Variants in PSMD1 observed in about 807,000 individuals in gnomAD.
PSMD1 encodes proteasome 26S subunit, non-ATPase 1, also known as 26S proteasome non-ATPase regulatory subunit 1.
PSMD1 carries 18 observed loss-of-function variants against 119.0 expected under a neutral mutation model. The ratio of observed to expected loss-of-function variants is 0.15; its 90% confidence interval spans 0.10 to 0.22. The LOEUF (loss-of-function observed/expected upper bound fraction) is 0.22. Among genes scored for constraint, PSMD1 ranks in the 10% least tolerant of loss-of-function variants. The probability of loss-of-function intolerance (pLI) is 1.00; values close to 1 mark genes in which losing one functional copy is unlikely to be tolerated. For missense variants in PSMD1, 702 were observed against 1,158.5 expected, an observed-to-expected ratio of 0.61 and a Z score of 5.72; for synonymous variants, 374 against 396.6, an observed-to-expected ratio of 0.94 and a Z score of 0.68.
chr2:231,097,166 G>A (rs886701787), intron 16 of PSMD1, among the ~76,000 whole-genome samples: 1 of 152,164 alleles, frequency 6.6e-6, no homozygotes, highest in African/African-American at 2.4e-5. Flanking sequence ...AGGATAGTTG[G>A]TGGAGGTTTT....
chr2:231,108,853 A>G (rs781406222), intron 16 of PSMD1: 28 of 1,614,112 alleles, frequency 1.7e-5, no homozygotes, highest in South Asian at 3.3e-5. Flanking sequence ...CTGAGGAAAC[A>G]TAGCCTATCC....
At position 231,161,211 on chromosome 2, in the gene PSMD1, T is replaced by C. The variant is rs550574202; in HGVS notation, c.2219-129T>C. The C allele has an allele frequency of 2.5e-4, 218 of 889,092 alleles. 1 individual carries two copies. Among genetic ancestry groups the C allele is most frequent in the Non-Finnish European group, 3.5e-4 (214 of 605,500 alleles). The allele number at this position is 889,092 out of a possible 1,614,324, so 55.1% of individuals were successfully genotyped here. ...CAGTGTTTCACTCTGTCACCCGAGC[T>C]TGGGTAACAGTGAGACCCTATCTCT... On this transcript the variant is annotated intron_variant, in intron 19 of 24. Transcript: ENST00000308696.
intron 18 of PSMD1, among the ~76,000 whole-genome samples, chr2:231,149,812 C>T (rs944427383): frequency 6.6e-6 from 1 of 152,186 alleles, no homozygotes; most frequent in Non-Finnish European, 1.5e-5. Flanking sequence ...AAAAAGGCTA[C>T]AGAAACTACT....
chr2:231,087,729 G>A (rs1020197475), intron 16 of PSMD1, among the ~76,000 whole-genome samples: 2 of 152,134 alleles, frequency 1.3e-5, no homozygotes, highest in African/African-American at 2.4e-5. Flanking sequence ...TTGGGAGGCC[G>A]AGGAAGGCGG....
intron 2 of PSMD1, 72 bp downstream of exon 2, chr2:231,061,382 T>A: frequency 8.0e-7 from 1 of 1,245,350 alleles, no homozygotes; most frequent in Non-Finnish European, 1.1e-6. Context: ...GTGATATCTG[T>A]AATCTTCCAT....
chr2:231,155,978 C>T (rs1696497065), intron 19 of PSMD1, among the ~76,000 whole-genome samples: 1 of 152,054 alleles, frequency 6.6e-6, no homozygotes, highest in South Asian at 2.1e-4. Flanking sequence ...TCACTACCTT[C>T]CAATATTTTT....
intron 20 of PSMD1, 90 bp from the exon 21 acceptor site, chr2:231,163,545 C>T: frequency 1.2e-6 from 1 of 823,442 alleles, no homozygotes; most frequent in Non-Finnish European, 2.0e-6. Flanking sequence ...ATACAGCCTG[C>T]ATTAAAACTT....
intron 24 of PSMD1, among the ~76,000 whole-genome samples, chr2:231,171,798 C>T (rs548609081): frequency 3.3e-5 from 5 of 152,094 alleles, no homozygotes; most frequent in East Asian, 3.9e-4. Context: ...TCAGCTGATC[C>T]GCGAACCTCG....
chr2:231,140,043 G>A (rs1343641063), intron 17 of PSMD1, among the ~76,000 whole-genome samples: 4 of 152,198 alleles, frequency 2.6e-5, no homozygotes, highest in Non-Finnish European at 5.9e-5. Flanking sequence ...AAGACTGAGA[G>A]CAAGGCTTTG....
chr2:231,109,718 A>G (rs1455805379), intron 16 of PSMD1, among the ~76,000 whole-genome samples: 1 of 152,166 alleles, frequency 6.6e-6, no homozygotes, highest in Non-Finnish European at 1.5e-5. Flanking sequence ...CTCATAATCT[A>G]TTTTTGTTTT....
At chr2:231,078,797 T>TC (rs766573961) in intron 10 of PSMD1, 50 bp downstream of exon 10, 45 of 1,289,802 alleles carry the variant, frequency 3.5e-5, no homozygotes, top group South Asian at 1.3e-4. Context: ...TTTTCTTTTT[T>TC]TTTTTTTTTT....
chr2:231,167,376 CAGTG>C (rs1441918459), intron 23 of PSMD1, among the ~76,000 whole-genome samples: 1 of 152,218 alleles, frequency 6.6e-6, no homozygotes, highest in Admixed American at 6.5e-5. Flanking sequence ...TGAACTAAGA[CAGTG>C]AGGCACGTGC....
chr2:231,108,419 A>G lies in PSMD1; in HGVS notation c.1883+21238A>G, dbSNP rs1574733931. ...TCTTAGGTTAAAGAGATGATTTGAT[A>G]TATGACATAAAATTCTTTATATAAT... is the stretch of plus-strand genomic sequence containing the variant. On this transcript the variant is annotated intron_variant, in intron 16 of 24. Transcript: ENST00000308696. The G allele has an allele frequency of 5.9e-6, 5 of 841,332 alleles. No homozygotes were observed. In the South Asian group the frequency reaches 6.2e-5, roughly 10 times the overall value. 52.1% of individuals were successfully genotyped at this position (841,332 alleles called of 1,614,324 possible). A position where few individuals can be genotyped will look rare whatever the true frequency, so the allele number is the denominator to read the frequency against.
At chr2:231,140,412 C>A (rs1248493718) in intron 17 of PSMD1, among the ~76,000 whole-genome samples, 1 of 148,820 alleles carries the variant, frequency 6.7e-6, no homozygotes, top group African/African-American at 2.5e-5. Flanking sequence ...AGGAGAATTG[C>A]TTGAACCCAG....
chr2:231,123,896 T>TAA, intron 16 of PSMD1: 7 of 564,598 alleles, frequency 1.2e-5, no homozygotes, highest in Admixed American at 2.6e-5. Flanking sequence ...CACCTTCCTT[T>TAA]AAAAAAAAAA....
chr2:231,110,190 C>T (rs1181118222), intron 16 of PSMD1, among the ~76,000 whole-genome samples: 2 of 151,976 alleles, frequency 1.3e-5, no homozygotes, highest in East Asian at 3.9e-4. Context: ...CATGGTGGCA[C>T]GCGCCTGTAC....
At chr2:231,089,863 G>A (rs1694545231) in intron 16 of PSMD1, among the ~76,000 whole-genome samples, 1 of 152,120 alleles carries the variant, frequency 6.6e-6, no homozygotes, top group Admixed American at 6.5e-5. Flanking sequence ...CTCAGATTAA[G>A]GGTGGATCTG....
chr2:231,079,426 A>C, intron 10 of PSMD1, 110 bp from the exon 11 acceptor site: 1 of 562,132 alleles, frequency 1.8e-6, no homozygotes, highest in Non-Finnish European at 3.0e-6. Context: ...CCACAAAGTA[A>C]TTTGGAAGGG....
At chr2:231,091,117 G>A (rs549635568) in intron 16 of PSMD1, among the ~76,000 whole-genome samples, 5 of 152,194 alleles carry the variant, frequency 3.3e-5, no homozygotes, top group Admixed American at 6.5e-5. Context: ...AGAGTTAGCC[G>A]CCTCTATAAG....
Sources: gnomAD v4.1 joint callset for allele counts (sites outside exome capture counted in the v4.1 genomes callset) on GRCh38, gnomAD v4.1.1 for gene constraint, MANE v1.5 for transcripts, NCBI Gene and HGNC (gene_info 2026-07-23, HGNC 2026-07-21) for gene names.